Variants in MRGBP observed in about 807,000 individuals in gnomAD.
The protein encoded by MRGBP is MRG/MORF4L-binding protein.
Under a neutral mutation model 21.5 loss-of-function variants are expected in MRGBP, and 5 were observed. The ratio of observed to expected loss-of-function variants is 0.23; its 90% CI spans 0.12 to 0.49. MRGBP has a LOEUF of 0.49. Among genes scored for constraint, MRGBP ranks in the 20% least tolerant of loss-of-function variants. MRGBP has a pLI of 0.98. For missense variants in MRGBP, 227 were observed against 277.4 expected (o/e 0.82, Z 1.29); for synonymous variants, 118 against 104.4 (o/e 1.13, Z -0.79).
At chr20:62,797,026 C>G (rs1026070128) in intron 1 of MRGBP, 84 bp from the exon 2 acceptor site, 1 of 1,415,664 alleles carries the variant, frequency 7.1e-7, no homozygotes, top group African/African-American at 1.5e-5. Flanking sequence ...ACCCTTGCCC[C>G]TCCAGTCCCC....
chr20:62,801,674 C>T lies in MRGBP; in HGVS notation c.*2031C>T, dbSNP rs574553701. The T allele has an allele frequency of 2.8e-4, 42 of 152,392 alleles. No homozygotes were observed. Among genetic ancestry groups the T allele is most frequent in the African/African-American group, 9.9e-4 (41 of 41,582 alleles). 9.4% of individuals were successfully genotyped at this position (152,392 alleles called of 1,614,324 possible). ...TAAACCTCCATCTGAAACCGCATCT[C>T]GGGTGACCTCAGATTGTGCTAGGAA... On this transcript the variant is annotated 3_prime_UTR_variant, in exon 5 of 5. Coordinates refer to ENST00000370487, the MANE Select transcript of MRGBP (RefSeq NM_018270.6).
Position 62,801,497 on chromosome 20 carries a change from T to C in MRGBP, c.*1854T>C, listed in dbSNP as rs1185596858. ...TGTTAGGTCAGCCTCATTCAGGGCT[T>C]TGTGCCAGGTCCTGTCCTGGAGTCT... On this transcript the variant is annotated 3_prime_UTR_variant, in exon 5 of 5. Transcript: ENST00000370487. The C allele has an allele frequency of 2.0e-5, 3 of 152,250 alleles. No individual in the cohort carries two copies. Among genetic ancestry groups the C allele is most frequent in the Non-Finnish European group, 4.4e-5 (3 of 68,064 alleles). 9.4% of individuals were successfully genotyped at this position (152,250 alleles called of 1,614,324 possible). A position where few individuals can be genotyped will look rare whatever the true frequency, so the allele number is the denominator to read the frequency against.
intron 2 of MRGBP, among the ~76,000 whole-genome samples, chr20:62,798,245 C>T (rs1990378666): frequency 6.6e-6 from 1 of 152,202 alleles, no homozygotes; most frequent in Non-Finnish European, 1.5e-5. Context: ...GGTGAGACTG[C>T]AGGCCGTGCT....
rs80074717 is a variant in MRGBP, at chr20:62,796,612, T to C, written c.89T>C (p.Val30Ala). The C allele has an allele frequency of 1.5e-6, 2 of 1,321,826 alleles. No individual in the cohort carries two copies. Among genetic ancestry groups the C allele is most frequent in the Non-Finnish European group, 1.9e-6 (2 of 1,033,026 alleles). The allele number at this position is 1,321,826 out of a possible 1,614,324, so 81.9% of individuals were successfully genotyped here. The stretch of plus-strand genomic sequence containing the variant: ...ACCAGCCCGGCGGAGGAGACAGTGG[T>C]GTGGAGCCCCGAGGTGGAGGTGTGC... ...AATSPAEETVVWSPEVEVCLF... is the reference protein window; with the variant it reads ...AATSPAEETVAWSPEVEVCLF... Residue 30 changes from valine to alanine, a missense_variant, in exon 1 of 5, where the codon GTG (valine) becomes GCG (alanine). Physicochemically the swap from Val to Ala is moderately conservative, Grantham distance 64 (BLOSUM62 0). Around this residue, in one of 2 missense-constraint regions of MRGBP, gnomAD observed 65 missense variants for 49.7 expected, o/e 1.31. Coordinates refer to ENST00000370487, the MANE Select transcript of MRGBP (RefSeq NM_018270.6).
At chr20:62,798,148 C>G (rs1013591587) in intron 2 of MRGBP, among the ~76,000 whole-genome samples, 1 of 152,216 alleles carries the variant, frequency 6.6e-6, no homozygotes, top group East Asian at 1.9e-4. Context: ...GCTCCTGCCA[C>G]GTGGATGAGA....
rs1990348530 is a variant in MRGBP, at chr20:62,796,894, C to T, written c.149-216C>T. ...CTACCCCCGTGAGACCGCGAGGTCC[C>T]AGCCCGCAGTGCCCCACCCCCACCC... On this transcript the variant is annotated intron_variant, in intron 1 of 4. Transcript: ENST00000370487. 7.1e-5 allele frequency among the ~76,000 whole-genome samples: 9 copies of T among 127,582 alleles called. No individual in the cohort carries two copies. In the South Asian group the frequency reaches 2.4e-3, roughly 35 times the overall value. The allele number at this position is 127,582 out of a possible 152,430, so 83.7% of individuals were successfully genotyped here. A position where few individuals can be genotyped will look rare whatever the true frequency, so the allele number is the denominator to read the frequency against.
chr20:62,797,447 G>A (rs926693364), intron 2 of MRGBP, among the ~76,000 whole-genome samples: 4 of 152,144 alleles, frequency 2.6e-5, no homozygotes, highest in African/African-American at 7.2e-5. Flanking sequence ...GGGTCCCCTG[G>A]GCAGAGACCC....
At position 62,799,698 on chromosome 20, in the gene MRGBP, G is replaced by A. The variant is rs1309681191; in HGVS notation, c.*55G>A. ...GGGCGAGGCACTGTGGTCGCTGAGGGGGTTGGCTGGGTCTGAGTGCCACCC... is the reference window on the plus strand; with the variant it reads ...GGGCGAGGCACTGTGGTCGCTGAGGAGGTTGGCTGGGTCTGAGTGCCACCC... On this transcript the variant is annotated 3_prime_UTR_variant, in exon 5 of 5. Transcript: ENST00000370487. 1 of 1,549,256 alleles carries A rather than the reference G, an allele frequency of 6.5e-7. No homozygotes were observed. Among genetic ancestry groups the A allele is most frequent in the Non-Finnish European group, 8.7e-7 (1 of 1,147,600 alleles).
At chr20:62,799,077 T>A in intron 4 of MRGBP, 28 bp downstream of exon 4, 1 of 1,592,230 alleles carries the variant, frequency 6.3e-7, no homozygotes, top group Non-Finnish European at 8.6e-7. Flanking sequence ...CCTGCCCTGA[T>A]GCCCTTTGGG....
In MRGBP at chr20:62,799,823, G is replaced by C; in HGVS notation, c.*180G>C. ...CGTCAGCGGGGAAACGTGTGTGTCAGTTGGACCATGTGGGACCCTGATGGA... is the reference window on the plus strand; with the variant it reads ...CGTCAGCGGGGAAACGTGTGTGTCACTTGGACCATGTGGGACCCTGATGGA... On this transcript the variant is annotated 3_prime_UTR_variant, in exon 5 of 5. Coordinates refer to ENST00000370487, the MANE Select transcript of MRGBP (RefSeq NM_018270.6). 1 of 652,046 alleles carries C rather than the reference G, an allele frequency of 1.5e-6. No homozygotes were observed. The highest frequency in any genetic ancestry group is 2.6e-6 in the Non-Finnish European group (1 of 389,790). 40.4% of individuals were successfully genotyped at this position (652,046 alleles called of 1,614,324 possible).
chr20:62,796,818 G>A, intron 1 of MRGBP, 147 bp downstream of exon 1: 1 of 535,692 alleles, frequency 1.9e-6, no homozygotes, highest in African/African-American at 7.9e-5. Context: ...CGGGACCCCC[G>A]CCCCCTCCCA....
chr20:62,797,254 T>C (rs1465885387), intron 2 of MRGBP, 23 bp downstream of exon 2: 4 of 1,534,080 alleles, frequency 2.6e-6, no homozygotes, highest in Non-Finnish European at 2.6e-6. Context: ...GCCCTCCCTG[T>C]GCCGCCCGAT....
chr20:62,799,742 C>A lies in MRGBP; in HGVS notation c.*99C>A. The A allele has an allele frequency of 7.6e-7, 1 of 1,307,630 alleles. No homozygotes were observed. The highest frequency in any genetic ancestry group is 1.0e-6 in the Non-Finnish European group (1 of 964,230). 81.0% of individuals were successfully genotyped at this position (1,307,630 alleles called of 1,614,324 possible). A position where few individuals can be genotyped will look rare whatever the true frequency, so the allele number is the denominator to read the frequency against. On this transcript the variant is annotated 3_prime_UTR_variant, in exon 5 of 5. Transcript: ENST00000370487. ...GCCACCCCCCAGGCCACAGTGATAC[C>A]ATCCCAGTGCCATGAGCCCACACTG...
intron 2 of MRGBP, among the ~76,000 whole-genome samples, chr20:62,798,317 G>A (rs1239872625): frequency 6.6e-6 from 1 of 152,208 alleles, no homozygotes; most frequent in East Asian, 1.9e-4. Flanking sequence ...GCCCGCCTTA[G>A]TGATGCTGGC....
In MRGBP at chr20:62,799,811, A is replaced by G. The variant is rs116883192; in HGVS notation, c.*168A>G. 3 of 707,254 alleles carry G rather than the reference A, an allele frequency of 4.2e-6. No homozygotes were observed. In the African/African-American group the frequency reaches 5.4e-5, roughly 13 times the overall value. The allele number at this position is 707,254 out of a possible 1,614,324, so 43.8% of individuals were successfully genotyped here. A position where few individuals can be genotyped will look rare whatever the true frequency, so the allele number is the denominator to read the frequency against. On this transcript the variant is annotated 3_prime_UTR_variant, in exon 5 of 5. Transcript: ENST00000370487. ...GGTGAACGTGGCCGTCAGCGGGGAA[A>G]CGTGTGTGTCAGTTGGACCATGTGG... is the stretch of plus-strand genomic sequence containing the variant.
At chr20:62,799,090 T>C in intron 4 of MRGBP, 41 bp downstream of exon 4, 1 of 1,572,052 alleles carries the variant, frequency 6.4e-7, no homozygotes, top group Non-Finnish European at 8.7e-7. Context: ...CCTTTGGGGC[T>C]CAGCACCCCA....
intron 4 of MRGBP, 50 bp downstream of exon 4, chr20:62,799,099 C>A: frequency 6.4e-7 from 1 of 1,557,538 alleles, no homozygotes; most frequent in Non-Finnish European, 8.7e-7. Context: ...CTCAGCACCC[C>A]AAGACTGCCT....
chr20:62,798,792 C>T (rs1990391636), intron 3 of MRGBP, 124 bp downstream of exon 3: 4 of 1,577,698 alleles, frequency 2.5e-6, no homozygotes, highest in South Asian at 1.2e-5. Context: ...AGACCCCGCC[C>T]TACCTGTGCT....
chr20:62,801,344 A>G lies in MRGBP; in HGVS notation c.*1701A>G, dbSNP rs1474924615. ...CAGGCATCTGGAGGGCCCCACACAC[A>G]TAGACCAAAGGACTGAGCCCGCCTG... On this transcript the variant is annotated 3_prime_UTR_variant, in exon 5 of 5. Coordinates refer to ENST00000370487, the MANE Select transcript of MRGBP (RefSeq NM_018270.6). 1.3e-5 allele frequency: 2 copies of G among 152,264 alleles called. No individual in the cohort carries two copies. The highest frequency in any genetic ancestry group is 4.8e-5 in the African/African-American group (2 of 41,426). 9.4% of individuals were successfully genotyped at this position (152,264 alleles called of 1,614,324 possible). A position where few individuals can be genotyped will look rare whatever the true frequency, so the allele number is the denominator to read the frequency against.
Sources: gnomAD v4.1 joint callset for allele counts (sites outside exome capture counted in the v4.1 genomes callset) on GRCh38, gnomAD v4.1.1 for gene constraint, gnomAD v4.1.1 regional missense constraint, MANE v1.5 for transcripts, NCBI Gene and HGNC (gene_info 2026-07-23, HGNC 2026-07-21) for gene names.